PTPRC: variants seen among roughly 807,000 people sequenced by gnomAD.
The protein encoded by PTPRC is protein tyrosine phosphatase receptor type C, also known as receptor-type tyrosine-protein phosphatase C.
In PTPRC, 44 loss-of-function variants were observed where a neutral mutation model predicts 155.9. That is an observed-to-expected ratio of 0.28 (90% confidence interval 0.22 to 0.36). The LOEUF (loss-of-function observed/expected upper bound fraction) is 0.36. Ranked by LOEUF, PTPRC falls within the 10% of genes least tolerant of loss-of-function variation. The pLI, the probability that PTPRC is intolerant of heterozygous loss-of-function variation, is 1.00. For synonymous variants in PTPRC, 525 were observed against 533.1 expected, an observed-to-expected ratio of 0.98 and a Z score of 0.21; for missense variants, 1,401 against 1,564.6, an observed-to-expected ratio of 0.90 and a Z score of 1.76.
At chr1:198,753,884 G>A (rs1012769926) in intron 31 of PTPRC, among the ~76,000 whole-genome samples, 1 of 151,964 alleles carries the variant, frequency 6.6e-6, no homozygotes, top group Non-Finnish European at 1.5e-5. Flanking sequence ...AAAATATTAG[G>A]TCTAATATTT....
chr1:198,678,000 A>T (rs1190332560), intron 2 of PTPRC, among the ~76,000 whole-genome samples: 1 of 152,210 alleles, frequency 6.6e-6, no homozygotes, highest in Non-Finnish European at 1.5e-5. Flanking sequence ...ACATAAATAT[A>T]GATACATATG....
Position 198,706,899 on chromosome 1 carries a change from C to T in PTPRC, c.851C>T (p.Ser284Phe). The T allele has an allele frequency of 6.2e-7, 1 of 1,613,228 alleles. No homozygotes were observed. The highest frequency in any genetic ancestry group is 8.5e-7 in the Non-Finnish European group (1 of 1,179,262). Residue 284 changes from serine to phenylalanine, a missense_variant, in exon 9 of 33, where the codon TCT becomes TTT. Around this residue, in one of 3 missense-constraint regions of PTPRC, gnomAD observed 867 missense variants for 970.4 expected, o/e 0.89. Transcript: ENST00000442510. ...TGTAAAAATGCGTCTGTTTCCATAT[C>T]TCATAATTCATGTACTGCTCCTGAT... is the stretch of plus-strand genomic sequence containing the variant. ...TECKNASVSI[S>F]HNSCTAPDKT... is the part of the protein sequence containing the mutation.
At chr1:198,727,284 C>T (rs1286167733) in intron 15 of PTPRC, among the ~76,000 whole-genome samples, 1 of 151,706 alleles carries the variant, frequency 6.6e-6, no homozygotes, top group East Asian at 1.9e-4. Flanking sequence ...ATCTTCACAG[C>T]CCTTATATCT....
chr1:198,664,440 C>T (rs1390496749), intron 2 of PTPRC, among the ~76,000 whole-genome samples: 1 of 152,110 alleles, frequency 6.6e-6, no homozygotes, highest in Non-Finnish European at 1.5e-5. Context: ...ATGATGTGAT[C>T]CTGTAAGTTT....
intron 23 of PTPRC, among the ~76,000 whole-genome samples, chr1:198,739,678 A>G (rs866343899): frequency 6.6e-6 from 1 of 151,820 alleles, no homozygotes; most frequent in African/African-American, 2.4e-5. Flanking sequence ...TCACCCAGGA[A>G]GAAAATCAAC....
rs1213076354 is a variant in PTPRC, at chr1:198,708,271, T to A, written c.1033+10T>A. The A allele has an allele frequency of 1.9e-6, 3 of 1,601,286 alleles. No individual in the cohort carries two copies. The highest frequency in any genetic ancestry group is 2.6e-6 in the Non-Finnish European group (3 of 1,171,124). ...TACAGATTTCAGTGTGGTAAGAATA[T>A]AACATTGACCAGAGAATTTTTTTTT... On this transcript the variant is annotated intron_variant, in intron 10 of 32. Transcript: ENST00000442510.
intron 23 of PTPRC, among the ~76,000 whole-genome samples, chr1:198,738,870 C>T (rs905173623): frequency 3.3e-5 from 5 of 151,560 alleles, no homozygotes; most frequent in African/African-American, 1.2e-4. Context: ...ATAATGGCAA[C>T]AACAACTTTT....
chr1:198,729,079 A>G (rs1654271440), intron 16 of PTPRC, 58 bp from the exon 17 acceptor site: 2 of 1,571,080 alleles, frequency 1.3e-6, no homozygotes, highest in Non-Finnish European at 1.7e-6. Flanking sequence ...TAAGTAAAAT[A>G]CCAATTGAAT....
At chr1:198,754,549 C>A (rs535862362) in intron 32 of PTPRC, 145 bp downstream of exon 32, 3 of 970,262 alleles carry the variant, frequency 3.1e-6, no homozygotes, top group East Asian at 2.6e-5. Context: ...CTTTCCTATT[C>A]TTTTAGCTTT....
At chr1:198,644,383 G>A (rs1174585794) in intron 2 of PTPRC, among the ~76,000 whole-genome samples, 1 of 151,786 alleles carries the variant, frequency 6.6e-6, no homozygotes, top group African/African-American at 2.4e-5. Context: ...AATATGATTT[G>A]ATGCCTATTT....
chr1:198,727,771 C>A (rs1453804482), intron 15 of PTPRC, among the ~76,000 whole-genome samples: 1 of 152,046 alleles, frequency 6.6e-6, no homozygotes, highest in Non-Finnish European at 1.5e-5. Flanking sequence ...TAGGAAAGGG[C>A]AGGATTTCAC....
intron 8 of PTPRC, among the ~76,000 whole-genome samples, chr1:198,706,001 GCCTCCACACTGGATT>G (rs1200869455): frequency 6.6e-6 from 1 of 152,242 alleles, no homozygotes; most frequent in Non-Finnish European, 1.5e-5. Context: ...GCTTGTGTCT[GCCTCCACACTGGATT>G]ATACATTTCT....
intron 2 of PTPRC, among the ~76,000 whole-genome samples, chr1:198,684,924 T>C (rs1665535876): frequency 6.6e-6 from 1 of 152,044 alleles, no homozygotes; most frequent in Admixed American, 6.6e-5. Context: ...TGTCCATTTG[T>C]ATTTAATAAA....
chr1:198,654,366 G>T (rs1051788143), intron 2 of PTPRC, among the ~76,000 whole-genome samples: 1 of 151,738 alleles, frequency 6.6e-6, no homozygotes, highest in Non-Finnish European at 1.5e-5. Context: ...TTAGCTAGTG[G>T]ATTGAAACAA....
At chr1:198,736,872 A>T (rs74230262) in intron 23 of PTPRC, among the ~76,000 whole-genome samples, 2 of 151,612 alleles carry the variant, frequency 1.3e-5, no homozygotes, top group Non-Finnish European at 3.0e-5. Flanking sequence ...TCTTTTATAT[A>T]TAAGTTGTTA....
chr1:198,661,928 T>C (rs936477835), intron 2 of PTPRC, among the ~76,000 whole-genome samples: 9 of 152,212 alleles, frequency 5.9e-5, no homozygotes, highest in Non-Finnish European at 1.3e-4. Flanking sequence ...CTCTGAATAC[T>C]CTTGGATTTC....
chr1:198,722,489 T>C lies in PTPRC; in HGVS notation c.1720+13T>C. ...CATTCAACATCTTGTAAGTTATCAC[T>C]GGGCTATTTATTATATATATTAAGA... On this transcript the variant is annotated intron_variant, in intron 15 of 32. Coordinates refer to ENST00000442510, the MANE Select transcript of PTPRC (RefSeq NM_002838.5). The C allele has an allele frequency of 7.1e-7, 1 of 1,409,104 alleles. No individual in the cohort carries two copies. The highest frequency in any genetic ancestry group is 9.5e-7 in the Non-Finnish European group (1 of 1,057,090). 87.3% of individuals were successfully genotyped at this position (1,409,104 alleles called of 1,614,324 possible). A position where few individuals can be genotyped will look rare whatever the true frequency, so the allele number is the denominator to read the frequency against.
chr1:198,721,972 T>C (rs1334073114), intron 14 of PTPRC, among the ~76,000 whole-genome samples: 2 of 151,462 alleles, frequency 1.3e-5, no homozygotes, highest in Admixed American at 6.6e-5. Context: ...GCCTATATAG[T>C]AAATTTTACT....
chr1:198,642,907 C>CTTT (rs1662686632), intron 2 of PTPRC, among the ~76,000 whole-genome samples: 18 of 93,686 alleles, frequency 1.9e-4, no homozygotes, highest in African/African-American at 3.7e-4. Flanking sequence ...TTTCTTTCTT[C>CTTT]CTTTCTTTCT....
Sources: gnomAD v4.1 joint callset for allele counts (sites outside exome capture counted in the v4.1 genomes callset) on GRCh38, gnomAD v4.1.1 for gene constraint, gnomAD v4.1.1 regional missense constraint, MANE v1.5 for transcripts, NCBI Gene and HGNC (gene_info 2026-07-23, HGNC 2026-07-21) for gene names.